SHISA6: variants seen among roughly 807,000 people sequenced by gnomAD.
SHISA6 encodes the protein shisa family member 6, also known as protein shisa-6.
Under a neutral mutation model 47.9 loss-of-function variants are expected in SHISA6, and 22 were observed. The observed-to-expected ratio is 0.46, with a 90% CI of 0.33 to 0.66. The LOEUF is 0.66. Ranked by LOEUF, SHISA6 falls within the 30% of genes least tolerant of loss-of-function variation. The probability of loss-of-function intolerance (pLI) is 0.02; values close to 1 mark genes in which losing one functional copy is unlikely to be tolerated. For synonymous variants in SHISA6, 388 were observed against 337.8 expected, an observed-to-expected ratio of 1.15 and a Z score of -1.63; for missense variants, 680 against 764.6, an observed-to-expected ratio of 0.89 and a Z score of 1.30.
intron 3 of SHISA6, among the ~76,000 whole-genome samples, chr17:11,494,346 G>C (rs919854680): frequency 2.0e-5 from 3 of 152,126 alleles, no homozygotes; most frequent in Non-Finnish European, 4.4e-5. Context: ...CTTGCTGCCC[G>C]AACCTAGCCC....
chr17:11,313,208 A>G (rs1597453046), intron 2 of SHISA6, among the ~76,000 whole-genome samples: 2 of 152,246 alleles, frequency 1.3e-5, no homozygotes, highest in African/African-American at 4.8e-5. Flanking sequence ...TCTCTCTATA[A>G]CTTCAGTAAC....
chr17:11,262,952 ATGATGAAGTGGTCCCC>A, intron 1 of SHISA6, among the ~76,000 whole-genome samples: 1 of 152,182 alleles, frequency 6.6e-6, no homozygotes, highest in South Asian at 2.1e-4. Flanking sequence ...GTAGTTTTGG[ATGATGAAGTGGTCCCC>A]TGATATTAGT....
intron 3 of SHISA6, among the ~76,000 whole-genome samples, chr17:11,531,606 G>A (rs2071733825): frequency 6.6e-6 from 1 of 152,108 alleles, no homozygotes; most frequent in African/African-American, 2.4e-5. Flanking sequence ...ACCTCTTAGA[G>A]TTGCTATAAA....
chr17:11,352,651 C>T (rs778106452), intron 2 of SHISA6, among the ~76,000 whole-genome samples: 1 of 152,128 alleles, frequency 6.6e-6, no homozygotes, highest in Non-Finnish European at 1.5e-5. Flanking sequence ...ACCAACGTTC[C>T]AGCGATGAAG....
intron 3 of SHISA6, among the ~76,000 whole-genome samples, chr17:11,528,251 A>G (rs1457356108): frequency 6.6e-6 from 1 of 152,202 alleles, no homozygotes; most frequent in East Asian, 1.9e-4. Flanking sequence ...GAAGACAGCT[A>G]ATATTTTCTA....
intron 3 of SHISA6, among the ~76,000 whole-genome samples, chr17:11,489,821 A>C (rs1352463445): frequency 6.6e-6 from 1 of 152,166 alleles, no homozygotes; most frequent in Non-Finnish European, 1.5e-5. Context: ...AGTGGGTAAA[A>C]GTCAAGAATG....
Position 11,347,209 on chromosome 17 carries a change from A to G in SHISA6, c.800-32205A>G, listed in dbSNP as rs147665278. 6.2e-4 allele frequency among the ~76,000 whole-genome samples: 94 copies of G among 152,248 alleles called. 2 individuals carry two copies. The East Asian group carries it at 0.015, about 24-fold the overall frequency. The stretch of plus-strand genomic sequence containing the variant: ...TTTTTGAGGGAAAAAAAAAAAGGAT[A>G]TCCACAAAGAAGCCTGAGCCTAGAA... On this transcript the variant is annotated intron_variant, in intron 2 of 5. Coordinates refer to ENST00000441885, the MANE Select transcript of SHISA6 (RefSeq NM_207386.4).
chr17:11,476,756 G>C (rs542413814), intron 3 of SHISA6, among the ~76,000 whole-genome samples: 1 of 152,034 alleles, frequency 6.6e-6, no homozygotes, highest in Non-Finnish European at 1.5e-5. Flanking sequence ...GAAGTAATCT[G>C]TAGATGCAAT....
At chr17:11,410,795 A>G (rs11650901) in intron 3 of SHISA6, among the ~76,000 whole-genome samples, 28,106 of 151,754 alleles carry the variant, frequency 0.19, 2,916 homozygotes, top group Middle Eastern at 0.28. Flanking sequence ...TTCCAGTACC[A>G]CCCCAGGCCC....
intron 3 of SHISA6, among the ~76,000 whole-genome samples, chr17:11,539,316 C>T (rs2071814069): frequency 6.6e-6 from 1 of 152,194 alleles, no homozygotes; most frequent in East Asian, 1.9e-4. Flanking sequence ...ATTTGTACCC[C>T]CCAACTTTCC....
At chr17:11,411,005 A>G (rs562992673) in intron 3 of SHISA6, among the ~76,000 whole-genome samples, 5 of 152,160 alleles carry the variant, frequency 3.3e-5, no homozygotes, top group South Asian at 2.1e-4. Flanking sequence ...GTCTCACTCT[A>G]TCGCCCATGC....
At chr17:11,526,114 C>CCG (rs2071679152) in intron 3 of SHISA6, among the ~76,000 whole-genome samples, 1 of 151,908 alleles carries the variant, frequency 6.6e-6, no homozygotes, top group Admixed American at 6.6e-5. Flanking sequence ...AAGGGGACCC[C>CCG]CCCCCGCTCT....
intron 3 of SHISA6, among the ~76,000 whole-genome samples, chr17:11,400,045 C>G (rs894166295): frequency 5.9e-5 from 9 of 152,142 alleles, no homozygotes; most frequent in Non-Finnish European, 1.5e-5. Context: ...TCTGTATCTT[C>G]TTTTCTACAG....
chr17:11,550,245 T>G (rs1567636760), intron 3 of SHISA6, among the ~76,000 whole-genome samples: 4 of 152,078 alleles, frequency 2.6e-5, no homozygotes, highest in Admixed American at 2.6e-4. Context: ...TTGGTAGAGA[T>G]GGGGTTTCAC....
chr17:11,375,094 T>A (rs1056530672), intron 2 of SHISA6, among the ~76,000 whole-genome samples: 17 of 152,208 alleles, frequency 1.1e-4, no homozygotes, highest in Admixed American at 1.3e-4. Context: ...TTTTTTAAAA[T>A]GGCATTTCAC....
chr17:11,307,466 A>G (rs1910162759), intron 2 of SHISA6, among the ~76,000 whole-genome samples: 1 of 152,206 alleles, frequency 6.6e-6, no homozygotes, highest in Admixed American at 6.5e-5. Flanking sequence ...AAGCAAGAGG[A>G]AGGAAGCAGG....
intron 3 of SHISA6, among the ~76,000 whole-genome samples, chr17:11,421,622 T>A (rs576092724): frequency 1.3e-5 from 2 of 152,324 alleles, no homozygotes; most frequent in South Asian, 2.1e-4. Context: ...AAGGCTGACA[T>A]CCATATAAAA....
At chr17:11,309,799 A>T (rs1910252689) in intron 2 of SHISA6, among the ~76,000 whole-genome samples, 1 of 152,238 alleles carries the variant, frequency 6.6e-6, no homozygotes, top group Non-Finnish European at 1.5e-5. Flanking sequence ...CTTCCTGTAC[A>T]GAGAGATTTC....
At chr17:11,283,119 G>C (rs1428332056) in intron 2 of SHISA6, among the ~76,000 whole-genome samples, 1 of 152,116 alleles carries the variant, frequency 6.6e-6, no homozygotes, top group East Asian at 1.9e-4. Flanking sequence ...AACTTCGCAG[G>C]ATTCAACTCT....
Sources: allele counts gnomAD v4.1 joint callset (sites outside exome capture counted in the v4.1 genomes callset), GRCh38; gene constraint gnomAD v4.1.1; transcripts MANE v1.5; gene names NCBI Gene and HGNC (gene_info 2026-07-23, HGNC 2026-07-21).